Variants in SAFB2 observed in about 807,000 individuals in gnomAD.
SAFB2 encodes the protein scaffold attachment factor B2.
A neutral mutation model predicts 100.6 loss-of-function variants in SAFB2; 32 were observed. The ratio of observed to expected loss-of-function variants is 0.32; its 90% CI spans 0.24 to 0.43. The LOEUF is 0.43. SAFB2 is among the 20% of genes least tolerant of loss of function. The pLI is 1.00. For missense variants in SAFB2, 1,185 were observed against 1,163.4 expected (o/e 1.02, Z -0.27); for synonymous variants, 500 against 439.4 (o/e 1.14, Z -1.72).
Position 5,604,648 on chromosome 19 carries a change from G to A in SAFB2, c.1494C>T (p.Cys498=), listed in dbSNP as rs143682864. 3,629 of 1,614,064 alleles carry A rather than the reference G, an allele frequency of 2.2e-3. 73 individuals carry two copies. The South Asian group carries it at 0.028, about 12-fold the overall frequency. Reference sequence around the variant, plus strand: ...TCGATAATTTTTCCTTCTTCACTTCGCACTCTTTTCTGTCGGAAAGCTTTT... The same window carrying A: ...TCGATAATTTTTCCTTCTTCACTTCACACTCTTTTCTGTCGGAAAGCTTTT... ...AGKKLSDRKE[C]EVKKEKLSSV... Residue 498 remains cysteine (C), a synonymous_variant, in exon 11 of 21, where the codon TGC becomes TGT. Transcript: ENST00000252542.
At chr19:5,596,707 A>G (rs1476912565) in intron 13 of SAFB2, among the ~76,000 whole-genome samples, 1 of 152,124 alleles carries the variant, frequency 6.6e-6, no homozygotes, top group East Asian at 1.9e-4. Flanking sequence ...CCCATTTCCA[A>G]GGTTCTCCAG....
intron 1 of SAFB2, among the ~76,000 whole-genome samples, chr19:5,621,765 T>C (rs1008878547): frequency 3.3e-5 from 5 of 152,140 alleles, no homozygotes; most frequent in African/African-American, 1.2e-4. Context: ...TGGCCACCGC[T>C]GGTGAGGAGG....
In SAFB2 at chr19:5,590,338, C is replaced by G. The variant is rs1475850594; in HGVS notation, c.2465G>C (p.Trp822Ser). 3.1e-6 allele frequency: 5 copies of G among 1,610,752 alleles called. No homozygotes were observed. Among genetic ancestry groups the G allele is most frequent in the East Asian group, 4.5e-5 (2 of 44,708 alleles). Residue 822 changes from tryptophan (W) to serine (S), a missense_variant, in exon 18 of 21, where the codon TGG (tryptophan) becomes TCG (serine). Transcript: ENST00000252542. ...ERHGRDSRDG[W>S]GGYGSDKRLS... ...CCTCTTGTCGGAGCCGTAGCCCCCC[C>G]AGCCATCACGGGAGTCCCGGCCGTG... is the stretch of plus-strand genomic sequence containing the variant.
chr19:5,587,827 G>T lies in SAFB2; in HGVS notation c.2638+41C>A, dbSNP rs1480153893. 10 of 1,579,270 alleles carry T rather than the reference G, an allele frequency of 6.3e-6. No individual in the cohort carries two copies. The highest frequency in any genetic ancestry group is 5.2e-6 in the Non-Finnish European group (6 of 1,161,550). On this transcript the variant is annotated intron_variant, in intron 19 of 20. Coordinates refer to ENST00000252542, the MANE Select transcript of SAFB2 (RefSeq NM_014649.3). The surrounding 1 kb of genome is among the most constrained non-coding windows in gnomAD (Gnocchi z 4.9). ...CCTGGGGAAGCCCCTGGACACATGTGGGGGCCACAGCCACCCTCGTCCCTG... is the reference window on the plus strand; with the variant it reads ...CCTGGGGAAGCCCCTGGACACATGTTGGGGCCACAGCCACCCTCGTCCCTG...
intron 14 of SAFB2, 65 bp downstream of exon 14, chr19:5,595,296 C>A: frequency 1.3e-6 from 2 of 1,570,422 alleles, no homozygotes; most frequent in Admixed American, 1.8e-5. Context: ...CCAAGTACAG[C>A]TGGGAGAAGG....
At chr19:5,588,209 G>A (rs1001418431) in intron 18 of SAFB2, among the ~76,000 whole-genome samples, 6 of 152,112 alleles carry the variant, frequency 3.9e-5, no homozygotes, top group African/African-American at 4.8e-5. Context: ...GAGCCACACC[G>A]AGATGCTACC....
chr19:5,615,705 A>G (rs1179488797), intron 4 of SAFB2, among the ~76,000 whole-genome samples: 2 of 152,212 alleles, frequency 1.3e-5, no homozygotes, highest in East Asian at 3.8e-4. Flanking sequence ...CTGTCTCTAA[A>G]TAAATAAACC....
At chr19:5,590,545 G>T in intron 17 of SAFB2, 137 bp from the exon 18 acceptor site, 1 of 902,752 alleles carries the variant, frequency 1.1e-6, no homozygotes, top group South Asian at 2.1e-5. Context: ...TGCAGTCTCA[G>T]CCCTGCTGGG....
chr19:5,613,395 G>A (rs570744601), intron 5 of SAFB2, 70 bp downstream of exon 5: 281 of 1,321,486 alleles, frequency 2.1e-4, no homozygotes, highest in Middle Eastern at 1.7e-3. Context: ...CATACACACT[G>A]CTCTTTCATT....
intron 18 of SAFB2, chr19:5,589,144 C>T (rs982692942): frequency 1.3e-5 from 2 of 152,378 alleles, no homozygotes; most frequent in African/African-American, 4.8e-5. Context: ...CGGAAAGCTC[C>T]CGTGTGGAAC....
At chr19:5,597,341 G>C (rs2052554341) in intron 13 of SAFB2, among the ~76,000 whole-genome samples, 1 of 152,024 alleles carries the variant, frequency 6.6e-6, no homozygotes. Context: ...CAAGGCGAGA[G>C]AATCACTTGA....
intron 13 of SAFB2, among the ~76,000 whole-genome samples, chr19:5,596,047 A>C (rs2052529945): frequency 6.6e-6 from 1 of 152,146 alleles, no homozygotes; most frequent in African/African-American, 2.4e-5. Context: ...GGCGGATCAC[A>C]ACATCAGGAG....
chr19:5,614,127 G>A (rs913382871), intron 4 of SAFB2, among the ~76,000 whole-genome samples: 1 of 152,048 alleles, frequency 6.6e-6, no homozygotes, highest in Non-Finnish European at 1.5e-5. Context: ...CTAATTTTTT[G>A]TATGTTTTAG....
rs182353469 is a variant in SAFB2 at position 5,604,983 on chromosome 19, A to G, written c.1297-47T>C. The G allele has an allele frequency of 3.1e-3, 4,946 of 1,591,328 alleles. 78 individuals carry two copies. The highest frequency in any genetic ancestry group is 0.029 in the South Asian group (2,613 of 90,364). ...TACTCTCTCATACAAATGACCACACAACTTGCTAAAGTTATTACCTGGCAA... is the reference window on the plus strand; with the variant it reads ...TACTCTCTCATACAAATGACCACACGACTTGCTAAAGTTATTACCTGGCAA... On this transcript the variant is annotated intron_variant, in intron 9 of 20. Transcript: ENST00000252542.
At chr19:5,588,064 C>G in intron 18 of SAFB2, 84 bp from the exon 19 acceptor site, 1 of 1,218,912 alleles carries the variant, frequency 8.2e-7, no homozygotes, top group Non-Finnish European at 1.1e-6. Flanking sequence ...CTGACCTCAG[C>G]TGCATGGTGG....
intron 9 of SAFB2, among the ~76,000 whole-genome samples, chr19:5,609,593 T>C (rs2052861087): frequency 6.6e-6 from 1 of 152,090 alleles, no homozygotes; most frequent in African/African-American, 2.4e-5. Context: ...AATCTCATCA[T>C]GTAAGCTTTA....
chr19:5,592,996 G>T, intron 15 of SAFB2, 109 bp from the exon 16 acceptor site: 2 of 978,912 alleles, frequency 2.0e-6, no homozygotes, highest in South Asian at 1.5e-5. Flanking sequence ...ACCCAGTATC[G>T]TTTAAAATGT....
chr19:5,594,018 C>G lies in SAFB2; in HGVS notation c.2080G>C (p.Val694Leu), dbSNP rs895204677. 3 of 1,565,452 alleles carry G rather than the reference C, an allele frequency of 1.9e-6. No individual in the cohort carries two copies. The highest frequency in any genetic ancestry group is 2.3e-5 in the East Asian group (1 of 42,750). Residue 694 changes from valine (V) to leucine (L), a missense_variant, in exon 15 of 21, where the codon GTG becomes CTG. By Grantham distance (32) the Val-to-Leu change is conservative. Transcript: ENST00000252542. Reference protein sequence around the residue: ...RERLERERMRVERERRKEQER... With the variant: ...RERLERERMRLERERRKEQER... ...TGCTCCTTCCTGCGCTCACGCTCCACGCGCATGCGCTCGCGCTCCAGCCGC... is the reference window on the plus strand; with the variant it reads ...TGCTCCTTCCTGCGCTCACGCTCCAGGCGCATGCGCTCGCGCTCCAGCCGC...
rs904639969 is a variant in SAFB2, at chr19:5,621,470, C to T, written c.187-74G>A. 21 of 986,550 alleles carry T rather than the reference C, an allele frequency of 2.1e-5. No individual in the cohort carries two copies. In the African/African-American group the frequency reaches 3.3e-4, roughly 16 times the overall value. 61.1% of individuals were successfully genotyped at this position (986,550 alleles called of 1,614,324 possible). A position where few individuals can be genotyped will look rare whatever the true frequency, so the allele number is the denominator to read the frequency against. ...CACACTGTTCCTTACAAGTAACAACCTCCCATGAAACAAAGGCAAACCCGT... is the reference window on the plus strand; with the variant it reads ...CACACTGTTCCTTACAAGTAACAACTTCCCATGAAACAAAGGCAAACCCGT... On this transcript the variant is annotated intron_variant, in intron 1 of 20. Transcript: ENST00000252542.
Sources: allele counts gnomAD v4.1 joint callset (sites outside exome capture counted in the v4.1 genomes callset), GRCh38; gene constraint gnomAD v4.1.1; non-coding constraint Gnocchi (gnomAD v3.1); transcripts MANE v1.5; gene names NCBI Gene and HGNC (gene_info 2026-07-23, HGNC 2026-07-21).